Variants in NKD1 observed in about 807,000 individuals in gnomAD.
NKD1 encodes NKD inhibitor of Wnt signaling pathway 1.
A neutral mutation model predicts 56.0 loss-of-function variants in NKD1; 21 were observed. The observed-to-expected ratio is 0.38, with a 90% CI of 0.27 to 0.54. The LOEUF (loss-of-function observed/expected upper bound fraction) is 0.54. NKD1 is among the 20% of genes least tolerant of loss of function. The pLI, the probability that NKD1 is intolerant of heterozygous loss-of-function variation, is 0.82. For synonymous variants in NKD1, 263 were observed against 265.7 expected (o/e 0.99, Z 0.10); for missense variants, 578 against 642.7 (o/e 0.90, Z 1.09).
At chr16:50,620,584 G>T (rs1962063856) in intron 4 of NKD1, among the ~76,000 whole-genome samples, 2 of 152,190 alleles carry the variant, frequency 1.3e-5, no homozygotes, top group South Asian at 4.1e-4. Context: ...CTACCCCAGG[G>T]CAACAGAAGG....
At chr16:50,559,426 T>C (rs1960574109) in intron 3 of NKD1, among the ~76,000 whole-genome samples, 1 of 151,716 alleles carries the variant, frequency 6.6e-6, no homozygotes, top group Non-Finnish European at 1.5e-5. Flanking sequence ...TTATTAAAAA[T>C]ATTCCAGGCA....
At chr16:50,570,954 C>A (rs772115177) in intron 3 of NKD1, 5 of 985,460 alleles carry the variant, frequency 5.1e-6, no homozygotes, top group Non-Finnish European at 6.0e-6. Flanking sequence ...GAGGCTTCTG[C>A]ACTGAGGGCT....
chr16:50,605,068 C>T (rs1483432449), intron 3 of NKD1, among the ~76,000 whole-genome samples: 2 of 152,230 alleles, frequency 1.3e-5, no homozygotes, highest in African/African-American at 2.4e-5. Context: ...AGTAGGAGCC[C>T]GGGCTGAGGC....
chr16:50,590,764 GT>G (rs1961348700), intron 3 of NKD1, among the ~76,000 whole-genome samples: 1 of 152,208 alleles, frequency 6.6e-6, no homozygotes, highest in Non-Finnish European at 1.5e-5. Context: ...TGGCAATGCC[GT>G]TTGCTCCTTT....
chr16:50,571,623 T>C, intron 3 of NKD1: 2 of 687,868 alleles, frequency 2.9e-6, no homozygotes, highest in African/African-American at 1.9e-5. Flanking sequence ...TCCCCTTCCT[T>C]CCCTGCAGAG....
intron 3 of NKD1, chr16:50,574,939 T>A (rs1025211481): frequency 6.1e-6 from 6 of 984,736 alleles, no homozygotes; most frequent in Non-Finnish European, 7.2e-6. Flanking sequence ...TCCTTTTCCC[T>A]TTAAACATCA....
Position 50,548,552 on chromosome 16 carries a change from G to A in NKD1, c.-2G>A, listed in dbSNP as rs1173034043. On this transcript the variant is annotated 5_prime_UTR_variant, in exon 1 of 10. Coordinates refer to ENST00000268459, the MANE Select transcript of NKD1 (RefSeq NM_033119.5). ...GACGCTCCCGGCCGCCGCAGCCCCA[G>A]CATGGGGAAACTTCACTCCAAGCCG... 20 of 1,468,450 alleles carry A rather than the reference G, an allele frequency of 1.4e-5. No homozygotes were observed. Among genetic ancestry groups the A allele is most frequent in the Non-Finnish European group, 1.8e-5 (20 of 1,115,558 alleles). 91.0% of individuals were successfully genotyped at this position (1,468,450 alleles called of 1,614,324 possible). A position where few individuals can be genotyped will look rare whatever the true frequency, so the allele number is the denominator to read the frequency against.
rs139761530 is a variant in NKD1, at chr16:50,608,366, C to T, written c.259+6C>T. ...GGACGACTTTCGGCTGGAAGGTATT[C>T]GGAGTCCATTGCTCTCTTCCCAGCA... is the stretch of plus-strand genomic sequence containing the variant. On this transcript the variant is annotated splice_donor_region_variant and intron_variant, in intron 4 of 9. Transcript: ENST00000268459. The T allele has an allele frequency of 1.2e-5, 19 of 1,604,946 alleles. No individual in the cohort carries two copies. Among genetic ancestry groups the T allele is most frequent in the African/African-American group, 5.3e-5 (4 of 74,814 alleles).
At chr16:50,572,737 G>A (rs1433760481) in intron 3 of NKD1, among the ~76,000 whole-genome samples, 1 of 152,198 alleles carries the variant, frequency 6.6e-6, no homozygotes, top group Non-Finnish European at 1.5e-5. Context: ...TTCTTACCCA[G>A]CTTGGGTGCA....
intron 4 of NKD1, among the ~76,000 whole-genome samples, chr16:50,619,561 C>A (rs1962040437): frequency 6.6e-6 from 1 of 152,110 alleles, no homozygotes; most frequent in Admixed American, 6.5e-5. Context: ...ATTCGTGAAG[C>A]CTCAGTTTTG....
At chr16:50,599,104 G>A (rs1596731706) in intron 3 of NKD1, among the ~76,000 whole-genome samples, 1 of 152,132 alleles carries the variant, frequency 6.6e-6, no homozygotes, top group East Asian at 1.9e-4. Context: ...GGTCGCCTGA[G>A]GCCTTCTGGG....
In NKD1 at chr16:50,638,960, A is replaced by G. The variant is rs1406849624; in HGVS notation, c.*5179A>G. On this transcript the variant is annotated 3_prime_UTR_variant, in exon 10 of 10. Coordinates refer to ENST00000268459, the MANE Select transcript of NKD1 (RefSeq NM_033119.5). ...GCCTGGCACAGATCCCTATCTAGACATGAGGCCCTTTAGACATGACTTTGG... is the reference window on the plus strand; with the variant it reads ...GCCTGGCACAGATCCCTATCTAGACGTGAGGCCCTTTAGACATGACTTTGG... 6.6e-6 allele frequency: 1 copy of G among 152,238 alleles called. No individual in the cohort carries two copies. The highest frequency in any genetic ancestry group is 2.4e-5 in the African/African-American group (1 of 41,438). The allele number at this position is 152,238 out of a possible 1,614,324, so 9.4% of individuals were successfully genotyped here.
chr16:50,623,575 T>C lies in NKD1; in HGVS notation c.366+1867T>C, dbSNP rs781754219. ...GGGCAGACTTGGGACTGAGCTGTGG[T>C]CCATGGGCAGGACTCAACTGAGCTG... is the stretch of plus-strand genomic sequence containing the variant. On this transcript the variant is annotated intron_variant, in intron 5 of 9. Coordinates refer to ENST00000268459, the MANE Select transcript of NKD1 (RefSeq NM_033119.5). This position sits in a 1 kb window ranked among gnomAD's most constrained non-coding sequence, Gnocchi z 4.1. Among the ~76,000 whole-genome samples the C allele has an allele frequency of 6.6e-6, 1 of 152,042 alleles. No homozygotes were observed. Among genetic ancestry groups the C allele is most frequent in the Non-Finnish European group, 1.5e-5 (1 of 67,988 alleles).
intron 3 of NKD1, among the ~76,000 whole-genome samples, chr16:50,600,474 CAAACCA>C (rs1961570792): frequency 6.6e-6 from 1 of 151,922 alleles, no homozygotes; most frequent in African/African-American, 2.4e-5. Context: ...AGAACCAAAC[CAAACCA>C]AACCAAGGCC....
intron 4 of NKD1, among the ~76,000 whole-genome samples, chr16:50,617,812 A>G (rs1424201591): frequency 3.3e-5 from 5 of 152,248 alleles, no homozygotes; most frequent in African/African-American, 4.8e-5. Context: ...GCAGGCAAGT[A>G]ATAGGTGAAA....
intron 2 of NKD1, 75 bp downstream of exon 2, chr16:50,548,824 G>T (rs1294335245): frequency 3.0e-6 from 4 of 1,322,114 alleles, no homozygotes; most frequent in Non-Finnish European, 2.9e-6. Flanking sequence ...GGCCCAGCCC[G>T]CCAGGTCTTA....
intron 8 of NKD1, 123 bp downstream of exon 8, chr16:50,631,033 G>T (rs1324461579): frequency 1.6e-6 from 1 of 619,662 alleles, no homozygotes; most frequent in Non-Finnish European, 2.8e-6. Flanking sequence ...CACTTTTGAT[G>T]CACAGACTCA....
At chr16:50,569,224 C>T (rs1013878473) in intron 3 of NKD1, among the ~76,000 whole-genome samples, 6 of 152,184 alleles carry the variant, frequency 3.9e-5, no homozygotes, top group African/African-American at 1.4e-4. Context: ...CTTGGACTAT[C>T]CTCATACCAT....
chr16:50,615,301 A>C (rs1318752455), intron 4 of NKD1, among the ~76,000 whole-genome samples: 1 of 152,214 alleles, frequency 6.6e-6, no homozygotes, highest in African/African-American at 2.4e-5. Context: ...GATGCTGCTG[A>C]TGATGCAGCA....
Sources: allele counts gnomAD v4.1 joint callset (sites outside exome capture counted in the v4.1 genomes callset), GRCh38; gene constraint gnomAD v4.1.1; non-coding constraint Gnocchi (gnomAD v3.1); transcripts MANE v1.5; gene names NCBI Gene and HGNC (gene_info 2026-07-23, HGNC 2026-07-21).